The following HNRNPUL1 variants were observed in gnomAD, a reference collection of about 807,000 sequenced individuals.
HNRNPUL1 encodes the protein heterogeneous nuclear ribonucleoprotein U-like protein 1.
In HNRNPUL1, 14 loss-of-function variants were observed where a neutral mutation model predicts 108.5. The ratio of observed to expected loss-of-function variants is 0.13; its 90% CI spans 0.09 to 0.20. The LOEUF (loss-of-function observed/expected upper bound fraction) is 0.20, where lower values mean the gene tolerates loss of function less well. Among genes scored for constraint, HNRNPUL1 ranks in the 10% least tolerant of loss-of-function variants. The probability of loss-of-function intolerance (pLI) is 1.00; values close to 1 mark genes in which losing one functional copy is unlikely to be tolerated. For synonymous variants in HNRNPUL1, 422 were observed against 445.2 expected (o/e 0.95, Z 0.66); for missense variants, 804 against 1,168.3 (o/e 0.69, Z 4.55).
chr19:41,274,142 G>C lies in HNRNPUL1; in HGVS notation c.646+87G>C. 3 of 1,077,796 alleles carry C rather than the reference G, an allele frequency of 2.8e-6. 1 individual carries two copies. The South Asian group carries it at 3.8e-5, about 14-fold the overall frequency. 66.8% of individuals were successfully genotyped at this position (1,077,796 alleles called of 1,614,324 possible). On this transcript the variant is annotated intron_variant, in intron 4 of 14. Transcript: ENST00000392006. ...TGACCTTCACCAGAATCCCTGCTGG[G>C]CACCGTCCAAAGACATTGTTAGTCC...
chr19:41,279,501 A>C (rs967646601), intron 6 of HNRNPUL1, among the ~76,000 whole-genome samples: 3 of 152,216 alleles, frequency 2.0e-5, no homozygotes, highest in African/African-American at 7.2e-5. Flanking sequence ...GCTGCTGATA[A>C]GTTCCCAAGC....
chr19:41,279,739 C>T (rs967284556), intron 6 of HNRNPUL1, among the ~76,000 whole-genome samples: 3 of 152,138 alleles, frequency 2.0e-5, no homozygotes, highest in Admixed American at 6.5e-5. Context: ...ACAAACGTTC[C>T]AATTATGAAA....
rs371192741 is a variant in HNRNPUL1 at position 41,302,877 on chromosome 19, C to A, written c.1900C>A (p.Pro634Thr). The A allele has an allele frequency of 1.3e-4, 207 of 1,558,820 alleles. No individual in the cohort carries two copies. The highest frequency in any genetic ancestry group is 1.6e-4 in the Non-Finnish European group (189 of 1,152,368). Residue 634 changes from proline (P) to threonine (T), a missense_variant, in exon 12 of 15, where the codon CCC becomes ACC. Coordinates refer to ENST00000392006, the MANE Select transcript of HNRNPUL1 (RefSeq NM_007040.6). ...GGFQRYENRG[P>T]PGGNRGGFQN... Reference sequence around the variant, plus strand: ...CTTCCAGCGCTATGAAAACCGAGGACCCCCTGGAGGCAACCGTGGCGGCTT... The same window carrying A: ...CTTCCAGCGCTATGAAAACCGAGGAACCCCTGGAGGCAACCGTGGCGGCTT...
chr19:41,292,607 T>A lies in HNRNPUL1; in HGVS notation c.1266+96T>A, dbSNP rs1017952849. The A allele has an allele frequency of 7.5e-6, 11 of 1,469,170 alleles. No homozygotes were observed. The highest frequency in any genetic ancestry group is 6.9e-5 in the African/African-American group (5 of 72,152). 91.0% of individuals were successfully genotyped at this position (1,469,170 alleles called of 1,614,324 possible). On this transcript the variant is annotated intron_variant, in intron 8 of 14. Transcript: ENST00000392006. This position sits in a 1 kb window ranked among gnomAD's most constrained non-coding sequence, Gnocchi z 4.1. Reference sequence around the variant, plus strand: ...ACACAGACTTGCTGCGAGAGTAGCCTTGGGGCAAGTGGCCACTTTGTCCCA... The same window carrying A: ...ACACAGACTTGCTGCGAGAGTAGCCATGGGGCAAGTGGCCACTTTGTCCCA...
rs551498246 is a variant in HNRNPUL1, at chr19:41,294,778, C to G, written c.1518+92C>G. 2 of 1,480,908 alleles carry G rather than the reference C, an allele frequency of 1.4e-6. No individual in the cohort carries two copies. Among genetic ancestry groups the G allele is most frequent in the Admixed American group, 3.4e-5 (2 of 57,990 alleles). 91.7% of individuals were successfully genotyped at this position (1,480,908 alleles called of 1,614,324 possible). A position where few individuals can be genotyped will look rare whatever the true frequency, so the allele number is the denominator to read the frequency against. On this transcript the variant is annotated intron_variant, in intron 10 of 14. Coordinates refer to ENST00000392006, the MANE Select transcript of HNRNPUL1 (RefSeq NM_007040.6). This position sits in a 1 kb window ranked among gnomAD's most constrained non-coding sequence, Gnocchi z 4.3. ...CCTCTGGTCCCTTTCTTTTTTCCCCCGTAATGATGATGGACTGCTGTGCTA... is the reference window on the plus strand; with the variant it reads ...CCTCTGGTCCCTTTCTTTTTTCCCCGGTAATGATGATGGACTGCTGTGCTA...
chr19:41,305,956 C>G, intron 14 of HNRNPUL1, 89 bp downstream of exon 14: 1 of 912,742 alleles, frequency 1.1e-6, no homozygotes, highest in Non-Finnish European at 1.7e-6. Flanking sequence ...CCCTGCTTAT[C>G]CCTAAAAAGA....
intron 5 of HNRNPUL1, among the ~76,000 whole-genome samples, chr19:41,277,101 AAAAAAAAC>A (rs974110945): frequency 3.4e-5 from 5 of 147,636 alleles, no homozygotes; most frequent in South Asian, 4.2e-4. Context: ...TGTCTCAAAA[AAAAAAAAC>A]AAAAAAACAA....
intron 10 of HNRNPUL1, among the ~76,000 whole-genome samples, chr19:41,295,661 G>A (rs2036849491): frequency 6.6e-6 from 1 of 152,314 alleles, no homozygotes; most frequent in African/African-American, 2.4e-5. Context: ...TGTAAACTAA[G>A]TAACACCCTG....
chr19:41,291,143 G>C (rs184517604), intron 7 of HNRNPUL1, among the ~76,000 whole-genome samples: 1 of 152,206 alleles, frequency 6.6e-6, no homozygotes, highest in Non-Finnish European at 1.5e-5. Context: ...CTCTTCAGCT[G>C]TTCCTGAATT....
intron 7 of HNRNPUL1, among the ~76,000 whole-genome samples, chr19:41,286,923 G>A (rs1007731476): frequency 6.6e-6 from 1 of 151,734 alleles, no homozygotes; most frequent in Non-Finnish European, 1.5e-5. Flanking sequence ...TCACCATGTT[G>A]GCCAGGCTGG....
At chr19:41,290,242 A>T (rs747348823) in intron 7 of HNRNPUL1, among the ~76,000 whole-genome samples, 7 of 152,238 alleles carry the variant, frequency 4.6e-5, no homozygotes, top group Non-Finnish European at 1.0e-4. Flanking sequence ...TCTGCTATCT[A>T]ATCTCAAGTT....
At chr19:41,287,021 G>T (rs1355517103) in intron 7 of HNRNPUL1, among the ~76,000 whole-genome samples, 1 of 150,508 alleles carries the variant, frequency 6.6e-6, no homozygotes, top group Non-Finnish European at 1.5e-5. Flanking sequence ...CCCAGTCGGT[G>T]TGTACCCTTT....
chr19:41,298,565 C>G (rs1406376839), intron 10 of HNRNPUL1: 1 of 152,224 alleles, frequency 6.6e-6, no homozygotes, highest in Admixed American at 6.5e-5. Flanking sequence ...TGCATTTCTG[C>G]TGGTGTGGTT....
At chr19:41,271,501 A>T (rs2035236125) in intron 2 of HNRNPUL1, among the ~76,000 whole-genome samples, 1 of 152,168 alleles carries the variant, frequency 6.6e-6, no homozygotes, top group South Asian at 2.1e-4. Flanking sequence ...AGTAGATGTG[A>T]ATGAGCTTCA....
intron 6 of HNRNPUL1, 63 bp from the exon 7 acceptor site, chr19:41,281,100 C>T: frequency 2.1e-6 from 2 of 959,400 alleles, no homozygotes; most frequent in Middle Eastern, 2.3e-4. Flanking sequence ...AAGTATGTGG[C>T]AGCCATTGAG....
At chr19:41,263,840 G>A (rs1044401865), upstream of HNRNPUL1, among the ~76,000 whole-genome samples, 1 of 152,178 alleles carries the variant, frequency 6.6e-6, no homozygotes, top group African/African-American at 2.4e-5. Context: ...CTAACGGCAA[G>A]GGGCGGGCTC....
At chr19:41,287,460 C>G (rs1391878155) in intron 7 of HNRNPUL1, among the ~76,000 whole-genome samples, 1 of 152,184 alleles carries the variant, frequency 6.6e-6, no homozygotes, top group Non-Finnish European at 1.5e-5. Context: ...AGGATCTGAT[C>G]TGGCCTGGGA....
chr19:41,272,754 G>C (rs993205630), intron 3 of HNRNPUL1, among the ~76,000 whole-genome samples: 1 of 152,212 alleles, frequency 6.6e-6, no homozygotes, highest in Admixed American at 6.5e-5. Flanking sequence ...CAACCTCTGA[G>C]GTGAGTAGTC....
chr19:41,264,219 A>T (rs1425746496), upstream of HNRNPUL1: 3 of 324,334 alleles, frequency 9.2e-6, no homozygotes, highest in Non-Finnish European at 1.7e-5. Flanking sequence ...CCTCCCCAGT[A>T]GCTCCTAGGC....
Sources: allele counts gnomAD v4.1 joint callset (sites outside exome capture counted in the v4.1 genomes callset), GRCh38; gene constraint gnomAD v4.1.1; non-coding constraint Gnocchi (gnomAD v3.1); transcripts MANE v1.5; gene names NCBI Gene and HGNC (gene_info 2026-07-23, HGNC 2026-07-21).